MED13: variants seen among roughly 807,000 people sequenced by gnomAD.
MED13 encodes mediator complex subunit 13, also known as mediator of RNA polymerase II transcription subunit 13.
MED13 carries 23 observed loss-of-function variants against 225.2 expected under a neutral mutation model. That is an observed-to-expected ratio of 0.10 (90% CI 0.07 to 0.14). MED13 has a LOEUF of 0.14. Among genes scored for constraint, MED13 ranks in the 10% least tolerant of loss-of-function variants. The pLI is 1.00. For missense variants in MED13, 2,197 were observed against 2,594.5 expected (o/e 0.85, Z 3.33); for synonymous variants, 942 against 889.2 (o/e 1.06, Z -1.06).
chr17:62,031,557 G>C lies in MED13; in HGVS notation c.896C>G (p.Thr299Ser), dbSNP rs774721792. ...DIPTPSPVGS[T>S]HCSSSCLGVH... ...ACCCAAGCAAGAAGATGAACAGTGA[G>C]TGGATCCCACAGGGCTAGGAGTAGG... is the stretch of plus-strand genomic sequence containing the variant. Residue 299 changes from threonine (T) to serine (S), a missense_variant, in exon 6 of 30, where the codon ACT becomes AGT. Physicochemically the swap from Thr to Ser is moderately conservative, Grantham distance 58. Around this residue, in one of 12 missense-constraint regions of MED13, gnomAD observed 884 missense variants for 918.5 expected, o/e 0.96. Coordinates refer to ENST00000397786, the MANE Select transcript of MED13 (RefSeq NM_005121.3). 15 of 1,613,816 alleles carry C rather than the reference G, an allele frequency of 9.3e-6. No individual in the cohort carries two copies. The African/African-American group carries it at 2.0e-4, about 22-fold the overall frequency.
intron 10 of MED13, among the ~76,000 whole-genome samples, chr17:61,993,535 C>T (rs1330384543): frequency 6.6e-6 from 1 of 151,954 alleles, no homozygotes; most frequent in East Asian, 1.9e-4. Context: ...CTGCAGCCTT[C>T]CCAACTACCA....
intron 28 of MED13, among the ~76,000 whole-genome samples, chr17:61,947,356 CTTACTTTGAATCTA>C (rs2079859441): frequency 6.6e-6 from 1 of 152,060 alleles, no homozygotes; most frequent in Admixed American, 6.6e-5. Context: ...AAGTGCAAAA[CTTACTTTGAATCTA>C]TTTCCTTTTC....
intron 23 of MED13, among the ~76,000 whole-genome samples, chr17:61,960,510 G>A (rs930748080): frequency 6.6e-6 from 1 of 152,136 alleles, no homozygotes; most frequent in East Asian, 1.9e-4. Context: ...CAGTTTATTA[G>A]GGGCTATATC....
chr17:62,015,795 A>T (rs1208574234), intron 8 of MED13, among the ~76,000 whole-genome samples: 2 of 134,380 alleles, frequency 1.5e-5, no homozygotes, highest in Middle Eastern at 3.6e-3. Flanking sequence ...ATACACACAC[A>T]CTATATATAT....
chr17:62,012,671 TC>T (rs2080523077), intron 8 of MED13, among the ~76,000 whole-genome samples: 1 of 152,002 alleles, frequency 6.6e-6, no homozygotes, highest in East Asian at 1.9e-4. Flanking sequence ...GTTTACACAT[TC>T]AGTATTCATT....
chr17:62,033,661 A>T, intron 5 of MED13, 126 bp downstream of exon 5: 2 of 873,732 alleles, frequency 2.3e-6, no homozygotes, highest in East Asian at 2.6e-5. Context: ...GTGGGCAGGA[A>T]ATTAAGGAAT....
chr17:62,065,044 C>T (rs1335608454), intron 1 of MED13, 96 bp downstream of exon 1: 21 of 1,138,826 alleles, frequency 1.8e-5, no homozygotes, highest in Admixed American at 3.6e-5. Flanking sequence ...CGCCCGGGAA[C>T]TCGGGCATCT....
chr17:62,062,865 C>T (rs563002089), intron 2 of MED13, among the ~76,000 whole-genome samples: 2 of 152,092 alleles, frequency 1.3e-5, no homozygotes, highest in African/African-American at 2.4e-5. Flanking sequence ...AAGTCATTCA[C>T]GCCTTAAAAA....
In MED13 at chr17:61,981,548, T is replaced by C. The variant is rs143419205; in HGVS notation, c.3805+650A>G. On this transcript the variant is annotated intron_variant, in intron 16 of 29. Coordinates refer to ENST00000397786, the MANE Select transcript of MED13 (RefSeq NM_005121.3). The stretch of plus-strand genomic sequence containing the variant: ...CAGTCACCTTAATGTTCCTCAAACA[T>C]GTAAAAGCAAAATACTCCCTCAGGG... Among the ~76,000 whole-genome samples, 11 of 152,272 alleles carry C rather than the reference T, an allele frequency of 7.2e-5. No individual in the cohort carries two copies. In the East Asian group the frequency reaches 2.1e-3, roughly 29 times the overall value.
rs751912684 is a variant in MED13 at position 62,035,530 on chromosome 17, A to T, written c.549T>A (p.His183Gln). The T allele has an allele frequency of 3.2e-5, 52 of 1,613,558 alleles. No individual in the cohort carries two copies. The highest frequency in any genetic ancestry group is 3.1e-4 in the South Asian group (28 of 91,060). Residue 183 changes from histidine (H) to glutamine (Q), a missense_variant, in exon 4 of 30, where the codon CAT becomes CAA. Physicochemically the swap from His to Gln is conservative, Grantham distance 24. Around this residue, in one of 12 missense-constraint regions of MED13, gnomAD observed 884 missense variants for 918.5 expected, o/e 0.96. Transcript: ENST00000397786. ...CTTCACTGAGAAGGTATACAGGTTGATGTTGGTTAATTTCCACACTGGTAC... is the reference window on the plus strand; with the variant it reads ...CTTCACTGAGAAGGTATACAGGTTGTTGTTGGTTAATTTCCACACTGGTAC... ...NVCTSVEINQ[H>Q]QPVYLLSEEH... is the part of the protein sequence containing the mutation.
chr17:62,064,869 A>G (rs1164196242), intron 1 of MED13, among the ~76,000 whole-genome samples: 1 of 152,222 alleles, frequency 6.6e-6, no homozygotes, highest in African/African-American at 2.4e-5. Context: ...CTGCCAGATA[A>G]GGAGCTCAAG....
At chr17:61,959,740 T>C (rs1294327194) in intron 23 of MED13, among the ~76,000 whole-genome samples, 1 of 150,902 alleles carries the variant, frequency 6.6e-6, no homozygotes, top group Non-Finnish European at 1.5e-5. Context: ...TTTTTTTTTT[T>C]TTTTTTGAGA....
intron 16 of MED13, among the ~76,000 whole-genome samples, chr17:61,978,191 C>A (rs1034974105): frequency 6.6e-5 from 10 of 151,600 alleles, no homozygotes; most frequent in African/African-American, 1.9e-4. Context: ...ACTCTTGTTG[C>A]CGGGCTGGAG....
At chr17:61,989,684 T>C (rs2080278756) in intron 11 of MED13, among the ~76,000 whole-genome samples, 1 of 152,216 alleles carries the variant, frequency 6.6e-6, no homozygotes, top group Non-Finnish European at 1.5e-5. Flanking sequence ...TTGGCCAAGG[T>C]GGTCTTGAAC....
At chr17:62,054,109 C>T (rs1221655083) in intron 2 of MED13, among the ~76,000 whole-genome samples, 1 of 151,852 alleles carries the variant, frequency 6.6e-6, no homozygotes, top group Non-Finnish European at 1.5e-5. Flanking sequence ...GAGTTCAAGA[C>T]CAGCCTCGCC....
At chr17:61,986,862 G>T (rs1448219708) in intron 12 of MED13, 145 bp downstream of exon 12, 8 of 434,396 alleles carry the variant, frequency 1.8e-5, no homozygotes, top group Non-Finnish European at 3.1e-5. Flanking sequence ...ATTTAAAAAA[G>T]AAATCAATGA....
chr17:61,958,619 G>A (rs565488068), intron 23 of MED13, among the ~76,000 whole-genome samples: 3 of 152,166 alleles, frequency 2.0e-5, no homozygotes, highest in African/African-American at 7.2e-5. Context: ...TTACAGGCGT[G>A]AGCCACCATG....
At chr17:61,960,460 A>C (rs1273014218) in intron 23 of MED13, among the ~76,000 whole-genome samples, 1 of 152,104 alleles carries the variant, frequency 6.6e-6, no homozygotes, top group Non-Finnish European at 1.5e-5. Flanking sequence ...AAATGATAAA[A>C]TTTTAAATCG....
At chr17:62,016,629 T>C (rs2080584347) in intron 8 of MED13, among the ~76,000 whole-genome samples, 1 of 152,220 alleles carries the variant, frequency 6.6e-6, no homozygotes, top group African/African-American at 2.4e-5. Context: ...CAAGACATGT[T>C]ATAAAATAAA....
Sources: gnomAD v4.1 joint callset for allele counts (sites outside exome capture counted in the v4.1 genomes callset) on GRCh38, gnomAD v4.1.1 for gene constraint, gnomAD v4.1.1 regional missense constraint, MANE v1.5 for transcripts, NCBI Gene and HGNC (gene_info 2026-07-23, HGNC 2026-07-21) for gene names.